Variants in ZFYVE26 observed in about 807,000 individuals in gnomAD.
The protein encoded by ZFYVE26 is zinc finger FYVE-type containing 26.
Under a neutral mutation model 276.5 loss-of-function variants are expected in ZFYVE26, and 181 were observed. The ratio of observed to expected loss-of-function variants is 0.65; its 90% CI spans 0.58 to 0.74. The LOEUF (loss-of-function observed/expected upper bound fraction) is 0.74. Ranked by LOEUF, ZFYVE26 falls within the 30% of genes least tolerant of loss-of-function variation. The pLI is 0.00. For synonymous variants in ZFYVE26, 1,129 were observed against 1,203.1 expected (o/e 0.94, Z 1.27); for missense variants, 2,821 against 3,097.9 (o/e 0.91, Z 2.12).
chr14:67,764,306 A>T (rs946123296), intron 32 of ZFYVE26, among the ~76,000 whole-genome samples: 1 of 152,176 alleles, frequency 6.6e-6, no homozygotes, highest in Non-Finnish European at 1.5e-5. Flanking sequence ...GGGGGAGAGG[A>T]AAGTATAGTG....
rs368378082 is a variant in ZFYVE26, at chr14:67,762,382, C to T, written c.6190G>A (p.Gly2064Arg). 4.0e-5 allele frequency: 65 copies of T among 1,613,956 alleles called. No individual in the cohort carries two copies. The highest frequency in any genetic ancestry group is 1.9e-4 in the South Asian group (17 of 91,074). The change falls in exon 34 of 42, where the codon GGG (glycine) becomes AGG (arginine). Residue 2064 changes from glycine to arginine, a missense_variant. Coordinates refer to ENST00000347230, the MANE Select transcript of ZFYVE26 (RefSeq NM_015346.4). ...VSTKTGLDTT[G>R]AWHAWGMACL... The stretch of plus-strand genomic sequence containing the variant: ...GCCATGCCCCAAGCATGCCACGCCC[C>T]GGTGGTATCAAGCCCAGTCTTTGTG...
At chr14:67,779,382 G>A (rs879581508) in intron 23 of ZFYVE26, among the ~76,000 whole-genome samples, 4 of 152,044 alleles carry the variant, frequency 2.6e-5, no homozygotes, top group African/African-American at 4.8e-5. Flanking sequence ...GGCCAACATG[G>A]CAAAACTCTG....
chr14:67,769,956 A>G, intron 28 of ZFYVE26: 2 of 572,382 alleles, frequency 3.5e-6, no homozygotes, highest in Admixed American at 2.9e-5. Flanking sequence ...GAGCTTTGCG[A>G]TAGCTCCTGA....
intron 26 of ZFYVE26, among the ~76,000 whole-genome samples, chr14:67,775,352 CA>C (rs2039314181): frequency 6.6e-6 from 1 of 152,022 alleles, no homozygotes; most frequent in Non-Finnish European, 1.5e-5. Context: ...TAGGATTCTA[CA>C]AAATAAATCA....
rs371174698 is a variant in ZFYVE26, at chr14:67,807,528, A to T, written c.756T>A (p.Ser252Arg). Residue 252 changes from serine (S) to arginine (R), a missense_variant, in exon 5 of 42, where the codon AGT becomes AGA. Coordinates refer to ENST00000347230, the MANE Select transcript of ZFYVE26 (RefSeq NM_015346.4). ...TGAGCAGCCGCTCCTCCCGCAGGGGACTCCCCTCGGTCCTGCAGGCCTCTA... is the reference window on the plus strand; with the variant it reads ...TGAGCAGCCGCTCCTCCCGCAGGGGTCTCCCCTCGGTCCTGCAGGCCTCTA... Reference protein sequence around the residue: ...ELLEACRTEGSPLREERLLSC... With the variant: ...ELLEACRTEGRPLREERLLSC... The T allele has an allele frequency of 6.2e-7, 1 of 1,613,578 alleles. No homozygotes were observed. The highest frequency in any genetic ancestry group is 8.5e-7 in the Non-Finnish European group (1 of 1,179,908).
chr14:67,811,022 T>G (rs1245061833), intron 3 of ZFYVE26, among the ~76,000 whole-genome samples: 1 of 152,206 alleles, frequency 6.6e-6, no homozygotes, highest in Non-Finnish European at 1.5e-5. Context: ...AAATCTTATT[T>G]CTTCTAACCA....
intron 40 of ZFYVE26, 114 bp downstream of exon 40, chr14:67,752,230 G>A (rs2038665375): frequency 1.5e-6 from 2 of 1,355,652 alleles, no homozygotes; most frequent in African/African-American, 1.4e-5. Flanking sequence ...GGTTCAGAAT[G>A]ATAAAAGGAT....
At chr14:67,792,581 A>C (rs2039842062) in intron 14 of ZFYVE26, among the ~76,000 whole-genome samples, 1 of 152,196 alleles carries the variant, frequency 6.6e-6, no homozygotes, top group Admixed American at 6.5e-5. Flanking sequence ...CTAGTCTGCT[A>C]GCTCTCCATA....
chr14:67,751,746 G>A (rs192752795), intron 40 of ZFYVE26, among the ~76,000 whole-genome samples: 96 of 152,082 alleles, frequency 6.3e-4, no homozygotes, highest in African/African-American at 2.2e-3. Flanking sequence ...GGTGGTGGGC[G>A]CCTGTAGTCC....
In ZFYVE26 at chr14:67,761,320, A is replaced by G. The variant is rs115042683; in HGVS notation, c.6588+46T>C. The G allele has an allele frequency of 2.5e-4, 391 of 1,553,770 alleles. No homozygotes were observed. In the African/African-American group the frequency reaches 4.1e-3, roughly 16 times the overall value. ...CTTAAGGCTGAGTGGTCCAAGCCAG[A>G]GGAGTAAGGCAGGCACTGCCTTTTT... On this transcript the variant is annotated intron_variant, in intron 35 of 41. Coordinates refer to ENST00000347230, the MANE Select transcript of ZFYVE26 (RefSeq NM_015346.4).
At chr14:67,730,045 A>G (rs1342872934) in intron 13 of ZFYVE26, among the ~76,000 whole-genome samples, 2 of 152,176 alleles carry the variant, frequency 1.3e-5, no homozygotes, top group African/African-American at 4.8e-5. Context: ...ATGAGAGGGG[A>G]ATGGATAAGT....
chr14:67,733,997 T>A, intron 13 of ZFYVE26: 1 of 626,248 alleles, frequency 1.6e-6, no homozygotes, highest in Non-Finnish European at 3.0e-6. Context: ...TCTGGGAATG[T>A]TTGCACACCT....
intron 40 of ZFYVE26, chr14:67,751,320 C>CT (rs2140179652): frequency 1.6e-6 from 1 of 606,694 alleles, no homozygotes; most frequent in East Asian, 2.9e-5. Context: ...TTTTAACCTG[C>CT]TTCATTTCCA....
At position 67,754,123 on chromosome 14, in the gene ZFYVE26, G is replaced by A. The variant is rs2038716530; in HGVS notation, c.7076C>T (p.Pro2359Leu). 1 of 1,614,252 alleles carries A rather than the reference G, an allele frequency of 6.2e-7. No homozygotes were observed. The highest frequency in any genetic ancestry group is 2.2e-5 in the East Asian group (1 of 44,890). The change falls in exon 38 of 42, where the codon CCT becomes CTT. Residue 2359 changes from proline to leucine, a missense_variant. Physicochemically the swap from Pro to Leu is moderately conservative, Grantham distance 98 (BLOSUM62 -3). Coordinates refer to ENST00000347230, the MANE Select transcript of ZFYVE26 (RefSeq NM_015346.4). ...SAGTSQITTL[P>L]LPTLFGNNHM... ...GTTATTTCCAAACAGGGTTGGCAGA[G>A]GCAAAGTGGTGATTTGAGAGGTCCC... is the stretch of plus-strand genomic sequence containing the variant.
chr14:67,758,050 C>A (rs887058438), intron 35 of ZFYVE26, among the ~76,000 whole-genome samples: 1 of 152,090 alleles, frequency 6.6e-6, no homozygotes, highest in South Asian at 2.1e-4. Flanking sequence ...TCCTTAGTGC[C>A]CAGAATAGTC....
chr14:67,799,309 T>C (rs2040031502), intron 10 of ZFYVE26: 11 of 1,613,526 alleles, frequency 6.8e-6, no homozygotes, highest in Non-Finnish European at 9.3e-6. Context: ...GGATAAGGAA[T>C]ATTGTTCAGC....
chr14:67,787,958 C>T (rs1369617676), intron 16 of ZFYVE26, among the ~76,000 whole-genome samples: 1 of 152,148 alleles, frequency 6.6e-6, no homozygotes, highest in Admixed American at 6.5e-5. Context: ...CGTACTTTCC[C>T]TAAATAATAA....
chr14:67,814,163 C>T, intron 2 of ZFYVE26, 99 bp from the exon 3 acceptor site: 2 of 953,074 alleles, frequency 2.1e-6, no homozygotes, highest in Non-Finnish European at 1.7e-6. Context: ...CTGTTTTAAA[C>T]CTGAACAGGC....
chr14:67,737,948 A>G (rs1038503406), intron 13 of ZFYVE26, among the ~76,000 whole-genome samples: 1 of 152,220 alleles, frequency 6.6e-6, no homozygotes, highest in Admixed American at 6.5e-5. Flanking sequence ...TAAATAGGAA[A>G]TTTTCAGAAG....
Sources: allele counts gnomAD v4.1 joint callset (sites outside exome capture counted in the v4.1 genomes callset), GRCh38; gene constraint gnomAD v4.1.1; transcripts MANE v1.5; gene names NCBI Gene and HGNC (gene_info 2026-07-23, HGNC 2026-07-21).